The following EYA2 variants were observed in gnomAD, a reference collection of about 807,000 sequenced individuals.
The protein encoded by EYA2 is EYA transcriptional coactivator and phosphatase 2, also known as protein phosphatase EYA2.
EYA2 carries 31 observed loss-of-function variants against 69.2 expected under a neutral mutation model. That is an observed-to-expected ratio of 0.45 (90% CI 0.34 to 0.60). The LOEUF is 0.60. Ranked by LOEUF, EYA2 falls within the 20% of genes least tolerant of loss-of-function variation. The pLI, the probability that EYA2 is intolerant of heterozygous loss-of-function variation, is 0.02. For missense variants in EYA2, 622 were observed against 701.2 expected (o/e 0.89, Z 1.28); for synonymous variants, 257 against 279.4 (o/e 0.92, Z 0.80).
At chr20:47,064,235 G>A (rs1205317159) in intron 5 of EYA2, among the ~76,000 whole-genome samples, 1 of 152,206 alleles carries the variant, frequency 6.6e-6, no homozygotes, top group Non-Finnish European at 1.5e-5. Context: ...GGGATTATAG[G>A]TATGAGCCAC....
At chr20:47,183,424 T>C in intron 15 of EYA2, 33 bp downstream of exon 15, 2 of 1,603,132 alleles carry the variant, frequency 1.2e-6, no homozygotes, top group Non-Finnish European at 1.7e-6. Flanking sequence ...TGCGTTTTCC[T>C]GCTCTTTCGA....
intron 1 of EYA2, among the ~76,000 whole-genome samples, chr20:46,903,719 G>A (rs1020609534): frequency 2.6e-5 from 4 of 152,146 alleles, no homozygotes; most frequent in Non-Finnish European, 4.4e-5. Context: ...TGAAGTGTTT[G>A]GAACTACGGC....
rs143889916 is a variant in EYA2, at chr20:47,186,651, G to T, written c.1537-1402G>T. 2.5e-3 allele frequency among the ~76,000 whole-genome samples: 387 copies of T among 152,110 alleles called. 2 individuals carry two copies. Among genetic ancestry groups the T allele is most frequent in the African/African-American group, 9.0e-3 (372 of 41,498 alleles). On this transcript the variant is annotated intron_variant, in intron 15 of 15. Coordinates refer to ENST00000327619, the MANE Select transcript of EYA2 (RefSeq NM_005244.5). ...TAGGATTACAGGCGTGAGCCACCAC[G>T]CCCGGCCTCCTCATTCGTTCTTCAA...
intron 8 of EYA2, among the ~76,000 whole-genome samples, chr20:47,093,291 C>A (rs2032143018): frequency 6.6e-6 from 1 of 152,224 alleles, no homozygotes. Context: ...TCTCTGGAGA[C>A]TACCTGTCAG....
chr20:47,048,245 A>C (rs1184706807), intron 5 of EYA2, among the ~76,000 whole-genome samples: 4 of 152,100 alleles, frequency 2.6e-5, no homozygotes, highest in African/African-American at 9.7e-5. Context: ...TATTAAGGAG[A>C]CCTCAGGGAG....
intron 5 of EYA2, among the ~76,000 whole-genome samples, chr20:47,024,148 G>A (rs1212574834): frequency 2.0e-5 from 3 of 152,146 alleles, no homozygotes; most frequent in African/African-American, 7.2e-5. Context: ...GTTTCAATTG[G>A]ATGCCAAACA....
chr20:47,076,548 G>T (rs564998142), intron 7 of EYA2, among the ~76,000 whole-genome samples: 2 of 152,022 alleles, frequency 1.3e-5, no homozygotes, highest in Non-Finnish European at 2.9e-5. Context: ...TTTTAATCGG[G>T]TTATCTTTAA....
intron 1 of EYA2, among the ~76,000 whole-genome samples, chr20:46,987,956 CTCTCTCTCTATATA>C (rs1426837788): frequency 4.6e-4 from 17 of 37,260 alleles, no homozygotes; most frequent in Admixed American, 9.8e-4. Flanking sequence ...CTCTCTCTCT[CTCTCTCTCTATATA>C]TATATATATA....
At chr20:46,918,257 C>T (rs547972805) in intron 1 of EYA2, among the ~76,000 whole-genome samples, 166 of 152,034 alleles carry the variant, frequency 1.1e-3, no homozygotes, top group Non-Finnish European at 2.1e-3. Context: ...GGAGGCGGAG[C>T]TTGCAGTGAG....
At chr20:47,009,893 T>G (rs1015635720) in intron 4 of EYA2, among the ~76,000 whole-genome samples, 9 of 152,254 alleles carry the variant, frequency 5.9e-5, no homozygotes, top group African/African-American at 2.2e-4. Flanking sequence ...CATTGCATCT[T>G]TTAGTACACA....
intron 1 of EYA2, among the ~76,000 whole-genome samples, chr20:46,960,997 T>G (rs1413074439): frequency 6.6e-6 from 1 of 152,120 alleles, no homozygotes; most frequent in Non-Finnish European, 1.5e-5. Context: ...CCACCATGTT[T>G]CCTGGAGGTT....
chr20:47,058,830 A>T (rs547634391), intron 5 of EYA2, among the ~76,000 whole-genome samples: 5 of 152,172 alleles, frequency 3.3e-5, no homozygotes, highest in Non-Finnish European at 7.3e-5. Flanking sequence ...ACAGAGCAAG[A>T]CCTAGTCTCT....
chr20:47,003,262 G>T (rs990533503), intron 3 of EYA2, among the ~76,000 whole-genome samples: 2 of 152,206 alleles, frequency 1.3e-5, no homozygotes, highest in Non-Finnish European at 2.9e-5. Flanking sequence ...GTAAAATGGG[G>T]ATAGAAACAA....
At position 46,995,699 on chromosome 20, in the gene EYA2, C is replaced by T. The variant is rs150850464; in HGVS notation, c.109+5580C>T. 3.7e-3 allele frequency among the ~76,000 whole-genome samples: 559 copies of T among 152,290 alleles called. 4 individuals are homozygous for T. The highest frequency in any genetic ancestry group is 0.013 in the African/African-American group (527 of 41,554). ...CCCTTAGAAGCCGGCCCCTGGGGTC[C>T]AATTAGGCAACATAACAGCCGTTGC... is the stretch of plus-strand genomic sequence containing the variant. On this transcript the variant is annotated intron_variant, in intron 2 of 15. Transcript: ENST00000327619.
chr20:47,053,399 C>T (rs2030441249), intron 5 of EYA2, among the ~76,000 whole-genome samples: 1 of 152,144 alleles, frequency 6.6e-6, no homozygotes, highest in Non-Finnish European at 1.5e-5. Context: ...GGTGCAGCGG[C>T]TCATGCCTGT....
At chr20:47,094,061 C>T (rs962695314) in intron 8 of EYA2, among the ~76,000 whole-genome samples, 3 of 152,174 alleles carry the variant, frequency 2.0e-5, no homozygotes, top group Non-Finnish European at 2.9e-5. Flanking sequence ...CTGGTCTGCA[C>T]CATGATGGCC....
chr20:46,964,428 T>A (rs1979656549), intron 1 of EYA2, among the ~76,000 whole-genome samples: 1 of 152,176 alleles, frequency 6.6e-6, no homozygotes, highest in African/African-American at 2.4e-5. Context: ...AAGTAGCACC[T>A]GGCACACAGA....
chr20:47,144,410 A>C (rs2033662073), intron 10 of EYA2, among the ~76,000 whole-genome samples: 3 of 152,198 alleles, frequency 2.0e-5, no homozygotes, highest in Admixed American at 2.0e-4. Flanking sequence ...TGTATACAAA[A>C]AAACAATTCT....
At chr20:47,158,366 A>C (rs1200725397) in intron 10 of EYA2, among the ~76,000 whole-genome samples, 2 of 151,822 alleles carry the variant, frequency 1.3e-5, no homozygotes, top group Non-Finnish European at 2.9e-5. Flanking sequence ...AAATACAAAA[A>C]ATTAGCCAGA....
Sources: allele counts gnomAD v4.1 joint callset (sites outside exome capture counted in the v4.1 genomes callset), GRCh38; gene constraint gnomAD v4.1.1; transcripts MANE v1.5; gene names NCBI Gene and HGNC (gene_info 2026-07-23, HGNC 2026-07-21).